Variants in PCDHA8 observed in about 807,000 individuals in gnomAD.
PCDHA8 encodes protocadherin alpha 8, also known as protocadherin alpha-8.
In PCDHA8, 53 loss-of-function variants were observed where a neutral mutation model predicts 61.8. That is an observed-to-expected ratio of 0.86 (90% CI 0.69 to 1.08). The LOEUF (loss-of-function observed/expected upper bound fraction) is 1.08. Among genes scored for constraint, PCDHA8 ranks in the 50% least tolerant of loss-of-function variants. The pLI is 0.00. For synonymous variants in PCDHA8, 618 were observed against 556.6 expected (o/e 1.11, Z -1.55); for missense variants, 1,293 against 1,245.0 (o/e 1.04, Z -0.58).
chr5:140,943,522 G>T (rs2093513187), intron 1 of PCDHA8, among the ~76,000 whole-genome samples: 1 of 152,144 alleles, frequency 6.6e-6, no homozygotes, highest in Non-Finnish European at 1.5e-5. Flanking sequence ...GTTGAGTTCA[G>T]TATGCAAAAT....
In PCDHA8 at chr5:141,011,549, GA is replaced by G. The variant is rs2098421039; in HGVS notation, c.*1615del. Reference sequence around the variant, plus strand: ...CCATTGTTAATCAGCTTTTGTGTATGAAAGACACAGTAAAATTTCTTTCTTA... The same window carrying G: ...CCATTGTTAATCAGCTTTTGTGTATGAAGACACAGTAAAATTTCTTTCTTA... On this transcript the variant is annotated 3_prime_UTR_variant, in exon 4 of 4. Coordinates refer to ENST00000531613, the MANE Select transcript of PCDHA8 (RefSeq NM_018911.3). 1 of 153,674 alleles carries G rather than the reference GA, an allele frequency of 6.5e-6. No individual in the cohort carries two copies. Among genetic ancestry groups the G allele is most frequent in the Non-Finnish European group, 1.5e-5 (1 of 68,008 alleles). The allele number at this position is 153,674 out of a possible 1,614,324, so 9.5% of individuals were successfully genotyped here. A position where few individuals can be genotyped will look rare whatever the true frequency, so the allele number is the denominator to read the frequency against.
chr5:140,893,195 C>T (rs1445634918), intron 1 of PCDHA8, among the ~76,000 whole-genome samples: 2 of 152,164 alleles, frequency 1.3e-5, no homozygotes, highest in Admixed American at 1.3e-4. Context: ...GTGAATAGTG[C>T]TGCAGTAAGT....
chr5:140,927,192 G>T, intron 1 of PCDHA8: 4 of 1,614,154 alleles, frequency 2.5e-6, no homozygotes, highest in Non-Finnish European at 3.4e-6. Flanking sequence ...ACGACCTGGT[G>T]CTCGAGGACC....
At chr5:140,991,277 C>G (rs1210642530) in intron 3 of PCDHA8, among the ~76,000 whole-genome samples, 1 of 152,148 alleles carries the variant, frequency 6.6e-6, no homozygotes, top group African/African-American at 2.4e-5. Flanking sequence ...CTGCTGAACT[C>G]TATACACTTA....
intron 3 of PCDHA8, among the ~76,000 whole-genome samples, chr5:140,984,822 AC>A (rs1398539032): frequency 6.6e-6 from 1 of 152,126 alleles, no homozygotes; most frequent in Non-Finnish European, 1.5e-5. Flanking sequence ...TTTCTTAATT[AC>A]CCTTTCTGTA....
intron 1 of PCDHA8, among the ~76,000 whole-genome samples, chr5:140,884,988 A>G (rs2060423125): frequency 6.6e-6 from 1 of 152,242 alleles, no homozygotes; most frequent in African/African-American, 2.4e-5. Context: ...CATTTAGAAA[A>G]TGTTTGTTTT....
rs2150377192 is a variant in PCDHA8, at chr5:140,845,186, A to C, written c.2394+1471A>C. On this transcript the variant is annotated intron_variant, in intron 1 of 3. Transcript: ENST00000531613. ...TTGTTTTCATTTTAGTCCTTTAAAAAATATGATTGTTTTCATTTAAGTCCT... is the reference window on the plus strand; with the variant it reads ...TTGTTTTCATTTTAGTCCTTTAAAACATATGATTGTTTTCATTTAAGTCCT... 3.3e-5 allele frequency among the ~76,000 whole-genome samples: 5 copies of C among 149,420 alleles called. 1 individual carries two copies. The highest frequency in any genetic ancestry group is 7.5e-5 in the Non-Finnish European group (5 of 66,806).
chr5:140,982,797 G>A (rs2097006142), intron 3 of PCDHA8, among the ~76,000 whole-genome samples: 1 of 151,640 alleles, frequency 6.6e-6, no homozygotes, highest in Admixed American at 6.6e-5. Context: ...ATGTGTGCAT[G>A]TGTGTGTGTG....
intron 1 of PCDHA8, among the ~76,000 whole-genome samples, chr5:140,886,721 G>A (rs2061104522): frequency 6.6e-6 from 1 of 151,592 alleles, no homozygotes; most frequent in Non-Finnish European, 1.5e-5. Context: ...AGCTACTTGG[G>A]AGGCTGAAGC....
intron 1 of PCDHA8, chr5:140,868,870 C>T: frequency 1.6e-6 from 1 of 619,808 alleles, no homozygotes; most frequent in Admixed American, 3.3e-5. Flanking sequence ...ATGCAGTGCA[C>T]AGTACTCACA....
At chr5:140,969,149 G>A (rs782510891) in intron 1 of PCDHA8, 89 of 1,614,002 alleles carry the variant, frequency 5.5e-5, no homozygotes, top group Non-Finnish European at 6.8e-5. Context: ...CTGCTACAAG[G>A]CCTGTCTGAC....
intron 3 of PCDHA8, among the ~76,000 whole-genome samples, chr5:140,994,916 G>C (rs191112964): frequency 2.0e-5 from 3 of 152,332 alleles, no homozygotes; most frequent in Admixed American, 1.3e-4. Context: ...ACTGGAATCA[G>C]ATTTTGTAGG....
At position 140,842,521 on chromosome 5, in the gene PCDHA8, C is replaced by A. The variant is rs144333530; in HGVS notation, c.1200C>A (p.Thr400=). The change falls in exon 1 of 4, where the codon ACC becomes ACA. Residue 400 remains threonine (T), a synonymous_variant. Transcript: ENST00000531613. ...ATGTCCCCTTCAAGCTGGTGTCCAC[C>A]TTCAAGAATTACTACTCGTTGGTGC... is the stretch of plus-strand genomic sequence containing the variant. ...MPHVPFKLVS[T]FKNYYSLVLD... 1 of 1,613,390 alleles carries A rather than the reference C, an allele frequency of 6.2e-7. No homozygotes were observed. Among genetic ancestry groups the A allele is most frequent in the African/African-American group, 1.3e-5 (1 of 74,834 alleles).
chr5:140,986,853 A>G (rs1424493333), intron 3 of PCDHA8, among the ~76,000 whole-genome samples: 3 of 152,206 alleles, frequency 2.0e-5, no homozygotes, highest in Admixed American at 6.5e-5. Flanking sequence ...AGCAACACCA[A>G]CAATACCCGG....
Position 140,841,359 on chromosome 5 carries a change from G to A in PCDHA8, c.38G>A (p.Arg13Gln), listed in dbSNP as rs2150314214. The change falls in exon 1 of 4, where the codon CGA (arginine) becomes CAA (glutamine). Residue 13 changes from arginine (R) to glutamine (Q), a missense_variant. Physicochemically the swap from Arg to Gln is conservative, Grantham distance 43 (BLOSUM62 1). Transcript: ENST00000531613. ...TGGCGAGGAGAGCTGGGATCCTGGC[G>A]ACTACTACTCTTGCTTCTGCTCCTC... ...YHWRGELGSWRLLLLLLLLAA... is the reference protein window; with the variant it reads ...YHWRGELGSWQLLLLLLLLAA... 6.2e-7 allele frequency: 1 copy of A among 1,613,176 alleles called. No individual in the cohort carries two copies. Among genetic ancestry groups the A allele is most frequent in the Non-Finnish European group, 8.5e-7 (1 of 1,179,474 alleles).
Position 140,857,175 on chromosome 5 carries a change from A to C in PCDHA8, c.2394+13460A>C, listed in dbSNP as rs149086377. On this transcript the variant is annotated intron_variant, in intron 1 of 3. Transcript: ENST00000531613. ...ATTGCCCTAATCAGCGTTTCTGACC[A>C]TGATTCAGGAGCCAACGGACAGGTC... The C allele has an allele frequency of 2.5e-6, 4 of 1,598,338 alleles. No homozygotes were observed. The South Asian group carries it at 3.3e-5, about 13-fold the overall frequency.
At chr5:140,864,663 C>G (rs75209206) in intron 1 of PCDHA8, 1 of 152,176 alleles carries the variant, frequency 6.6e-6, no homozygotes, top group African/African-American at 2.4e-5. Flanking sequence ...ACTTAATTAC[C>G]TGTTGACTTA....
intron 1 of PCDHA8, chr5:140,882,970 C>A (rs111935814): frequency 1.2e-6 from 2 of 1,614,130 alleles, no homozygotes; most frequent in African/African-American, 1.3e-5. Flanking sequence ...CGATTCTGGA[C>A]GTGAATGACA....
intron 1 of PCDHA8, chr5:140,884,047 G>A: frequency 1.9e-6 from 3 of 1,613,390 alleles, no homozygotes; most frequent in East Asian, 2.2e-5. Flanking sequence ...TGGTGGCGAA[G>A]GTGCGCGCGG....
Sources: allele counts gnomAD v4.1 joint callset (sites outside exome capture counted in the v4.1 genomes callset), GRCh38; gene constraint gnomAD v4.1.1; transcripts MANE v1.5; gene names NCBI Gene and HGNC (gene_info 2026-07-23, HGNC 2026-07-21).